KIF1C: variants seen among roughly 807,000 people sequenced by gnomAD.
KIF1C encodes the protein kinesin family member 1C.
A neutral mutation model predicts 126.5 loss-of-function variants in KIF1C; 61 were observed. The ratio of observed to expected loss-of-function variants is 0.48; its 90% CI spans 0.39 to 0.60. KIF1C has a LOEUF of 0.60. Among genes scored for constraint, KIF1C ranks in the 20% least tolerant of loss-of-function variants. The probability of loss-of-function intolerance (pLI) is 0.00; values close to 1 mark genes in which losing one functional copy is unlikely to be tolerated. For missense variants in KIF1C, 1,315 were observed against 1,489.2 expected (o/e 0.88, Z 1.93); for synonymous variants, 640 against 580.6 (o/e 1.10, Z -1.47).
At chr17:5,018,311 C>T (rs1451926201) in intron 18 of KIF1C, among the ~76,000 whole-genome samples, 1 of 151,362 alleles carries the variant, frequency 6.6e-6, no homozygotes, top group African/African-American at 2.4e-5. Context: ...TTTAGATTAT[C>T]TGCTTTTAAA....
In KIF1C at chr17:5,019,702, A is replaced by G; in HGVS notation, c.1667-294A>G. 8 of 428,342 alleles carry G rather than the reference A, an allele frequency of 1.9e-5. No individual in the cohort carries two copies. In the South Asian group the frequency reaches 2.2e-4, roughly 12 times the overall value. 26.5% of individuals were successfully genotyped at this position (428,342 alleles called of 1,614,324 possible). ...CTGAGCAGTTAAACATGAGGAATGA[A>G]TCCTTTTGACAATTACTGGTTTTCT... On this transcript the variant is annotated intron_variant, in intron 18 of 22. Coordinates refer to ENST00000320785, the MANE Select transcript of KIF1C (RefSeq NM_006612.6).
In KIF1C at chr17:5,002,093, A is replaced by T; in HGVS notation, c.398A>T (p.Asn133Ile). ...GACCTCTTCTCTCGCGTTAGTGAGAACCAGAGTGCTCAGCTATCCTACTCT... is the reference window on the plus strand; with the variant it reads ...GACCTCTTCTCTCGCGTTAGTGAGATCCAGAGTGCTCAGCTATCCTACTCT... Reference protein sequence around the residue: ...CEDLFSRVSENQSAQLSYSVE... With the variant: ...CEDLFSRVSEIQSAQLSYSVE... Residue 133 changes from asparagine to isoleucine, a missense_variant, in exon 6 of 23, where the codon AAC (asparagine) becomes ATC (isoleucine). Physicochemically the swap from Asn to Ile is moderately radical, Grantham distance 149. Around this residue, in one of 2 missense-constraint regions of KIF1C, gnomAD observed 874 missense variants for 1,053.2 expected, o/e 0.83. Transcript: ENST00000320785. The T allele has an allele frequency of 6.2e-7, 1 of 1,614,104 alleles. No individual in the cohort carries two copies. Among genetic ancestry groups the T allele is most frequent in the East Asian group, 2.2e-5 (1 of 44,878 alleles).
Position 5,024,591 on chromosome 17 carries a change from C to A in KIF1C, c.*440C>A, listed in dbSNP as rs777587447. On this transcript the variant is annotated 3_prime_UTR_variant, in exon 23 of 23. Coordinates refer to ENST00000320785, the MANE Select transcript of KIF1C (RefSeq NM_006612.6). ...TGTTTCTTGGGAGGCATGGTAGGAT[C>A]ATAAGTCATTCCCCTCCCCTTCCAG... 3 of 161,524 alleles carry A rather than the reference C, an allele frequency of 1.9e-5. No individual in the cohort carries two copies. The highest frequency in any genetic ancestry group is 4.0e-5 in the Non-Finnish European group (3 of 74,278). The allele number at this position is 161,524 out of a possible 1,614,324, so 10.0% of individuals were successfully genotyped here.
Position 5,013,814 on chromosome 17 carries a change from TTCCCTGGTGG to T in KIF1C, c.1571+90_1571+99del, listed in dbSNP as rs57608559. 6,070 of 1,035,304 alleles carry T rather than the reference TTCCCTGGTGG, an allele frequency of 5.9e-3. 221 individuals are homozygous for T. The African/African-American group carries it at 0.081, about 14-fold the overall frequency. 64.1% of individuals were successfully genotyped at this position (1,035,304 alleles called of 1,614,324 possible). ...AGGGTTGTCCACATTGGTGTCTCCC[TTCCCTGGTGG>T]TCCCTGGAGATACCTCAGATCTCTA... On this transcript the variant is annotated intron_variant, in intron 17 of 22. Transcript: ENST00000320785.
At chr17:5,007,216 C>A in intron 14 of KIF1C, 47 bp from the exon 15 acceptor site, 1 of 1,582,334 alleles carries the variant, frequency 6.3e-7, no homozygotes, top group South Asian at 1.1e-5. Flanking sequence ...TACCCTGGGT[C>A]TGCTTGTCCC....
Position 5,023,330 on chromosome 17 carries a change from T to C in KIF1C, c.2629-138T>C, listed in dbSNP as rs1975132425. The stretch of plus-strand genomic sequence containing the variant: ...CACTGCGCCCGGCCCTAAACCACTA[T>C]TTTTCGAGCTTCCTTATCTCTAGGC... On this transcript the variant is annotated intron_variant, in intron 22 of 22. Transcript: ENST00000320785. This position sits in a 1 kb window ranked among gnomAD's most constrained non-coding sequence, Gnocchi z 4.2. 2.8e-6 allele frequency: 2 copies of C among 719,800 alleles called. No homozygotes were observed. Among genetic ancestry groups the C allele is most frequent in the African/African-American group, 1.8e-5 (1 of 55,720 alleles). 44.6% of individuals were successfully genotyped at this position (719,800 alleles called of 1,614,324 possible).
chr17:5,014,862 G>A lies in KIF1C; in HGVS notation c.1666+25G>A, dbSNP rs1287121817. 5.2e-6 allele frequency: 8 copies of A among 1,543,916 alleles called. No individual in the cohort carries two copies. The Admixed American group carries it at 1.5e-4, about 30-fold the overall frequency. On this transcript the variant is annotated intron_variant, in intron 18 of 22. Coordinates refer to ENST00000320785, the MANE Select transcript of KIF1C (RefSeq NM_006612.6). ...GGTAATGGCTGAGGGGGTGAGAGAG[G>A]CCAGACAGGGAGAGAGGCCCCATGT...
In KIF1C at chr17:5,020,786, C is replaced by T; in HGVS notation, c.1938-20C>T. The T allele has an allele frequency of 1.3e-6, 2 of 1,596,226 alleles. No individual in the cohort carries two copies. Among genetic ancestry groups the T allele is most frequent in the Non-Finnish European group, 8.5e-7 (1 of 1,170,972 alleles). On this transcript the variant is annotated intron_variant, in intron 20 of 22. Transcript: ENST00000320785. The surrounding 1 kb of genome is among the most constrained non-coding windows in gnomAD (Gnocchi z 5.8). Reference sequence around the variant, plus strand: ...ATACTCACCAAGGTTGCTCTTCCTTCCCTCCCTGTCCAATCCCAGGCTGCA... The same window carrying T: ...ATACTCACCAAGGTTGCTCTTCCTTTCCTCCCTGTCCAATCCCAGGCTGCA...
chr17:5,002,362 A>G (rs1428534717), intron 6 of KIF1C, 102 bp from the exon 7 acceptor site: 4 of 1,176,330 alleles, frequency 3.4e-6, no homozygotes, highest in African/African-American at 3.0e-5. Context: ...CGCACTGTGT[A>G]TTAGCTGCAG....
In KIF1C at chr17:5,022,030, C is replaced by T. The variant is rs1975099975; in HGVS notation, c.2011-62C>T. 1 of 1,522,408 alleles carries T rather than the reference C, an allele frequency of 6.6e-7. No homozygotes were observed. The allele number at this position is 1,522,408 out of a possible 1,614,324, so 94.3% of individuals were successfully genotyped here. On this transcript the variant is annotated intron_variant, in intron 21 of 22. Transcript: ENST00000320785. The surrounding 1 kb of genome is among the most constrained non-coding windows in gnomAD (Gnocchi z 4.9). Reference sequence around the variant, plus strand: ...TCCAGTGTACTTAGGACACACTGGGCCAAGACACATGGGCTCTGGATGTCC... The same window carrying T: ...TCCAGTGTACTTAGGACACACTGGGTCAAGACACATGGGCTCTGGATGTCC...
rs766264840 is a variant in KIF1C at position 5,007,452 on chromosome 17, C to G, written c.1416-15C>G. On this transcript the variant is annotated splice_polypyrimidine_tract_variant and intron_variant, in intron 15 of 22. Coordinates refer to ENST00000320785, the MANE Select transcript of KIF1C (RefSeq NM_006612.6). ...GTGAAGGTAAGACTGACATTTGCCT[C>G]TCCTCTGCCCACAGAGAAGCATTGC... is the stretch of plus-strand genomic sequence containing the variant. 2 of 1,602,590 alleles carry G rather than the reference C, an allele frequency of 1.2e-6. No individual in the cohort carries two copies. The highest frequency in any genetic ancestry group is 8.5e-7 in the Non-Finnish European group (1 of 1,173,270).
intron 16 of KIF1C, among the ~76,000 whole-genome samples, chr17:5,013,128 G>A (rs1974902646): frequency 6.6e-6 from 1 of 152,160 alleles, no homozygotes. Flanking sequence ...AATTGTGAAA[G>A]TAATTCATGT....
chr17:5,019,611 C>A (rs1009570663), intron 18 of KIF1C: 5 of 229,300 alleles, frequency 2.2e-5, no homozygotes, highest in Non-Finnish European at 3.8e-5. Flanking sequence ...AGCCCAGGCC[C>A]CACCAGGGAT....
rs1223548938 is a variant in KIF1C, at chr17:5,024,801, G to C, written c.*650G>C. The C allele has an allele frequency of 6.6e-6, 1 of 152,616 alleles. No homozygotes were observed. Among genetic ancestry groups the C allele is most frequent in the East Asian group, 1.9e-4 (1 of 5,196 alleles). 9.5% of individuals were successfully genotyped at this position (152,616 alleles called of 1,614,324 possible). A position where few individuals can be genotyped will look rare whatever the true frequency, so the allele number is the denominator to read the frequency against. Reference sequence around the variant, plus strand: ...TACTTATCAGTGAAGTATTGTATGTGTGCTCTGTGCAGGCACCACCCAGAT... The same window carrying C: ...TACTTATCAGTGAAGTATTGTATGTCTGCTCTGTGCAGGCACCACCCAGAT... On this transcript the variant is annotated 3_prime_UTR_variant, in exon 23 of 23. Transcript: ENST00000320785.
intron 16 of KIF1C, 112 bp downstream of exon 16, chr17:5,007,654 G>A (rs1296013504): frequency 2.3e-5 from 18 of 773,134 alleles, no homozygotes; most frequent in East Asian, 1.9e-4. Flanking sequence ...TGAGGTCCCC[G>A]GCTTGTCCCT....
At chr17:5,021,347 T>C (rs1975088180) in intron 21 of KIF1C, among the ~76,000 whole-genome samples, 1 of 151,720 alleles carries the variant, frequency 6.6e-6, no homozygotes, top group Non-Finnish European at 1.5e-5. Context: ...TAATAATTAT[T>C]GTATTTTTAG....
chr17:4,998,575 C>A (rs930565809), intron 1 of KIF1C, among the ~76,000 whole-genome samples: 1 of 152,242 alleles, frequency 6.6e-6, no homozygotes, highest in Admixed American at 6.5e-5. Flanking sequence ...GTCCCATTAG[C>A]TGCAGCAACG....
rs1026055647 is a variant in KIF1C, at chr17:5,028,178, A to G, written c.*4027A>G. 1 of 151,884 alleles carries G rather than the reference A, an allele frequency of 6.6e-6. No individual in the cohort carries two copies. The highest frequency in any genetic ancestry group is 1.5e-5 in the Non-Finnish European group (1 of 67,968). 9.4% of individuals were successfully genotyped at this position (151,884 alleles called of 1,614,324 possible). On this transcript the variant is annotated 3_prime_UTR_variant, in exon 23 of 23. Coordinates refer to ENST00000320785, the MANE Select transcript of KIF1C (RefSeq NM_006612.6). ...CCAAACAATCTCAGTTTTCTAGCTC[A>G]CTCCGTCTTGACATTTCTACACTGT...
intron 13 of KIF1C, 102 bp downstream of exon 13, chr17:5,005,102 C>T: frequency 7.0e-7 from 1 of 1,420,156 alleles, no homozygotes; most frequent in South Asian, 1.2e-5. Flanking sequence ...GGACCACACA[C>T]TATGAAACCT....
Sources: allele counts gnomAD v4.1 joint callset (sites outside exome capture counted in the v4.1 genomes callset), GRCh38; gene constraint gnomAD v4.1.1; regional missense constraint gnomAD v4.1.1; non-coding constraint Gnocchi (gnomAD v3.1); transcripts MANE v1.5; gene names NCBI Gene and HGNC (gene_info 2026-07-23, HGNC 2026-07-21).